Variants in SFXN1 observed in about 807,000 individuals in gnomAD.
SFXN1 encodes sideroflexin 1, also known as sideroflexin-1.
Under a neutral mutation model 39.5 loss-of-function variants are expected in SFXN1, and 32 were observed. The observed-to-expected ratio is 0.81, with a 90% confidence interval of 0.61 to 1.09. The LOEUF is 1.09. Ranked by LOEUF, SFXN1 falls within the 50% of genes least tolerant of loss-of-function variation. The probability of loss-of-function intolerance (pLI) is 0.00; values close to 1 mark genes in which losing one functional copy is unlikely to be tolerated. For missense variants in SFXN1, 402 were observed against 407.1 expected, an observed-to-expected ratio of 0.99 and a Z score of 0.11; for synonymous variants, 136 against 146.5, an observed-to-expected ratio of 0.93 and a Z score of 0.52.
chr5:175,488,349 C>G (rs139550519), intron 1 of SFXN1, among the ~76,000 whole-genome samples: 1,874 of 151,072 alleles, frequency 0.012, 40 homozygotes, highest in African/African-American at 0.044. Flanking sequence ...GTTGCCCAGG[C>G]TGGAGTGCAA....
Position 175,515,678 on chromosome 5 carries a change from TC to T in SFXN1, c.725-935del, listed in dbSNP as rs527441190. 3.3e-4 allele frequency among the ~76,000 whole-genome samples: 50 copies of T among 152,254 alleles called. 1 individual carries two copies. Among genetic ancestry groups the T allele is most frequent in the Admixed American group, 2.4e-3 (37 of 15,290 alleles). On this transcript the variant is annotated intron_variant, in intron 7 of 10. Coordinates refer to ENST00000321442, the MANE Select transcript of SFXN1 (RefSeq NM_022754.7). Reference sequence around the variant, plus strand: ...CCAGGGTCACCCAGCTAGCAAGTGGTCTAGCCCAGCGGTCCCAAACCTTTTT... The same window carrying T: ...CCAGGGTCACCCAGCTAGCAAGTGGTTAGCCCAGCGGTCCCAAACCTTTTT...
intron 2 of SFXN1, among the ~76,000 whole-genome samples, chr5:175,503,926 C>CCCA (rs879560649): frequency 6.6e-6 from 1 of 150,508 alleles, no homozygotes; most frequent in Admixed American, 6.6e-5. Context: ...ATTGCTTGAA[C>CCCA]CTGGGAGGTA....
intron 7 of SFXN1, 69 bp downstream of exon 7, chr5:175,513,659 A>C: frequency 6.5e-7 from 1 of 1,542,246 alleles, no homozygotes. Flanking sequence ...CGTGAACCAG[A>C]AAACAAACAC....
At chr5:175,489,557 A>C (rs973259272) in intron 1 of SFXN1, among the ~76,000 whole-genome samples, 1 of 152,184 alleles carries the variant, frequency 6.6e-6, no homozygotes, top group African/African-American at 2.4e-5. Context: ...GCATACAATG[A>C]CATACATTTC....
chr5:175,522,263 A>G, intron 9 of SFXN1, 112 bp from the exon 10 acceptor site: 1 of 1,115,818 alleles, frequency 9.0e-7, no homozygotes, highest in East Asian at 2.4e-5. Flanking sequence ...GTTAGACAAC[A>G]CAGAACGTAA....
At chr5:175,487,969 G>A (rs188934997) in intron 1 of SFXN1, among the ~76,000 whole-genome samples, 12 of 152,248 alleles carry the variant, frequency 7.9e-5, no homozygotes, top group East Asian at 7.7e-4. Flanking sequence ...TGCCACCTGC[G>A]CTGCCCCCCA....
chr5:175,513,612 AT>A, intron 7 of SFXN1, 22 bp downstream of exon 7: 1 of 1,612,792 alleles, frequency 6.2e-7, no homozygotes, highest in Non-Finnish European at 8.5e-7. Context: ...TTTGTCATTT[AT>A]TCCATAAATA....
chr5:175,520,241 A>G (rs927531608), intron 8 of SFXN1, among the ~76,000 whole-genome samples: 20 of 152,018 alleles, frequency 1.3e-4, no homozygotes, highest in Admixed American at 1.1e-3. Context: ...ATATATATTT[A>G]TGTATCTTTT....
intron 2 of SFXN1, among the ~76,000 whole-genome samples, chr5:175,493,956 G>C (rs190997443): frequency 1.4e-3 from 213 of 152,272 alleles, no homozygotes; most frequent in African/African-American, 4.9e-3. Context: ...TAGAGAAACA[G>C]GCCAGGCCGT....
chr5:175,512,018 G>A, intron 5 of SFXN1, 93 bp from the exon 6 acceptor site: 4 of 1,184,368 alleles, frequency 3.4e-6, no homozygotes, highest in Middle Eastern at 1.9e-4. Flanking sequence ...ATGGGACTCT[G>A]CATTTTTCAG....
Position 175,526,977 on chromosome 5 carries a change from T to G in SFXN1, c.*243T>G. 1 of 499,094 alleles carries G rather than the reference T, an allele frequency of 2.0e-6. No homozygotes were observed. The allele number at this position is 499,094 out of a possible 1,614,324, so 30.9% of individuals were successfully genotyped here. On this transcript the variant is annotated 3_prime_UTR_variant, in exon 11 of 11. Coordinates refer to ENST00000321442, the MANE Select transcript of SFXN1 (RefSeq NM_022754.7). ...AATACCTTTCCTGTAGCTTTTATAG[T>G]CATTGTTTTTCAAAGACGATATACC...
chr5:175,516,715 A>G (rs746296716), intron 8 of SFXN1, 52 bp downstream of exon 8: 12 of 1,576,046 alleles, frequency 7.6e-6, no homozygotes, highest in Non-Finnish European at 1.0e-5. Context: ...TTCTTTTCAG[A>G]TTTCAAACCG....
chr5:175,501,364 G>A (rs1430839484), intron 2 of SFXN1, among the ~76,000 whole-genome samples: 3 of 152,172 alleles, frequency 2.0e-5, no homozygotes, highest in African/African-American at 7.2e-5. Flanking sequence ...CACCGCGCCC[G>A]GCAGTATGGG....
chr5:175,525,070 C>T (rs1425608247), intron 10 of SFXN1, among the ~76,000 whole-genome samples: 1 of 152,158 alleles, frequency 6.6e-6, no homozygotes, highest in African/African-American at 2.4e-5. Flanking sequence ...TGTCAAGAAA[C>T]AGATTATTCC....
chr5:175,504,348 G>C (rs952596678), intron 2 of SFXN1, among the ~76,000 whole-genome samples: 8 of 152,090 alleles, frequency 5.3e-5, no homozygotes, highest in African/African-American at 1.9e-4. Flanking sequence ...GCCAGGGCAG[G>C]CAAATCACCT....
In SFXN1 at chr5:175,513,500, G is replaced by A; in HGVS notation, c.634G>A (p.Gly212Arg). The change falls in exon 7 of 11, where the codon GGG (glycine) becomes AGG (arginine). Residue 212 changes from glycine (G) to arginine (R), a missense_variant. Coordinates refer to ENST00000321442, the MANE Select transcript of SFXN1 (RefSeq NM_022754.7). ...KVGIPVTDEN[G>R]NRLGESANAA... The stretch of plus-strand genomic sequence containing the variant: ...TGGCATTCCCGTCACGGATGAGAAT[G>A]GGAACCGCTTGGGGGAGTCGGCGAA... The A allele has an allele frequency of 6.2e-7, 1 of 1,613,918 alleles. No homozygotes were observed. The highest frequency in any genetic ancestry group is 1.1e-5 in the South Asian group (1 of 91,064).
chr5:175,489,801 A>T (rs779208958), intron 1 of SFXN1, among the ~76,000 whole-genome samples: 2 of 152,040 alleles, frequency 1.3e-5, no homozygotes, highest in African/African-American at 2.4e-5. Flanking sequence ...TTCAGCCTGC[A>T]CTCTGGGTGT....
chr5:175,524,126 ATATATATATATATATAT>A (rs1294317793), intron 10 of SFXN1: 32 of 20,268 alleles, frequency 1.6e-3, no homozygotes, highest in African/African-American at 5.8e-3. Flanking sequence ...AAAAAAAAAA[ATATATATATATATATAT>A]ATATATATAT....
chr5:175,518,570 G>A (rs189659991), intron 8 of SFXN1, among the ~76,000 whole-genome samples: 1 of 152,272 alleles, frequency 6.6e-6, no homozygotes, highest in African/African-American at 2.4e-5. Context: ...GCGCATAGGA[G>A]GTATCTTACC....
Sources: gnomAD v4.1 joint callset for allele counts (sites outside exome capture counted in the v4.1 genomes callset) on GRCh38, gnomAD v4.1.1 for gene constraint, MANE v1.5 for transcripts, NCBI Gene and HGNC (gene_info 2026-07-23, HGNC 2026-07-21) for gene names.